Variants in GON4L observed in about 807,000 individuals in gnomAD.
The protein encoded by GON4L is gon-4 like.
GON4L carries 87 observed loss-of-function variants against 211.8 expected under a neutral mutation model. That is an observed-to-expected ratio of 0.41 (90% CI 0.35 to 0.49). The LOEUF (loss-of-function observed/expected upper bound fraction) is 0.49, where lower values mean the gene tolerates loss of function less well. GON4L is among the 20% of genes least tolerant of loss of function. GON4L has a pLI of 0.15. For synonymous variants in GON4L, 875 were observed against 962.6 expected (o/e 0.91, Z 1.68); for missense variants, 2,155 against 2,659.5 (o/e 0.81, Z 4.17).
chr1:155,765,481 T>A lies in GON4L; in HGVS notation c.3992A>T (p.Glu1331Val). Residue 1331 changes from glutamate (E) to valine (V), a missense_variant, in exon 21 of 32, where the codon GAA (glutamate) becomes GTA (valine). Coordinates refer to ENST00000368331, the MANE Select transcript of GON4L (RefSeq NM_001282860.2). ...LEEIVKMEPEEAREEISGSPE... is the reference protein window; with the variant it reads ...LEEIVKMEPEVAREEISGSPE... Reference sequence around the variant, plus strand: ...GGATCCACTGATTTCCTCTCTAGCTTCTTCAGGTTCCATCTTGACAATTTC... The same window carrying A: ...GGATCCACTGATTTCCTCTCTAGCTACTTCAGGTTCCATCTTGACAATTTC... 1 of 1,614,180 alleles carries A rather than the reference T, an allele frequency of 6.2e-7. No individual in the cohort carries two copies.
chr1:155,853,242 C>G lies in GON4L; in HGVS notation c.505+34G>C, dbSNP rs41264979. 2.0e-3 allele frequency: 3,234 copies of G among 1,577,778 alleles called. 7 individuals are homozygous for G. Among genetic ancestry groups the G allele is most frequent in the Non-Finnish European group, 2.6e-3 (2,939 of 1,146,988 alleles). ...AATAGCAATGGCAAAGTGGTATTGA[C>G]AAGAATGTAACCTAGAGACCTTGTA... On this transcript the variant is annotated intron_variant, in intron 2 of 31. Coordinates refer to ENST00000368331, the MANE Select transcript of GON4L (RefSeq NM_001282860.2).
downstream of GON4L, chr1:155,746,936 G>T: frequency 6.2e-7 from 1 of 1,601,714 alleles, no homozygotes; most frequent in Non-Finnish European, 8.5e-7. Context: ...ATAGGGGCAG[G>T]TAAACGGGGA....
chr1:155,798,453 A>G (rs1162118594), intron 11 of GON4L, among the ~76,000 whole-genome samples: 1 of 134,592 alleles, frequency 7.4e-6, no homozygotes, highest in Non-Finnish European at 1.5e-5. Flanking sequence ...TCTGTCGCCC[A>G]GGCTGGAGCA....
At chr1:155,768,358 C>T (rs1025279720) in intron 19 of GON4L, among the ~76,000 whole-genome samples, 1 of 146,638 alleles carries the variant, frequency 6.8e-6, no homozygotes, top group African/African-American at 2.5e-5. Flanking sequence ...ACCTTGTAAT[C>T]CCAGCACTTT....
intron 2 of GON4L, among the ~76,000 whole-genome samples, chr1:155,848,741 C>T (rs1671481622): frequency 1.3e-5 from 2 of 152,002 alleles, no homozygotes; most frequent in African/African-American, 2.4e-5. Flanking sequence ...ATGTTTTAAA[C>T]CAAAACTCAG....
intron 2 of GON4L, among the ~76,000 whole-genome samples, chr1:155,848,302 C>A (rs1417562744): frequency 6.6e-6 from 1 of 151,518 alleles, no homozygotes; most frequent in African/African-American, 2.4e-5. Flanking sequence ...CTCTCAAATA[C>A]CTTCCCTATG....
Position 155,753,341 on chromosome 1 carries a change from C to G in GON4L, c.5705G>C (p.Ser1902Thr). The change falls in exon 29 of 32, where the codon AGT (serine) becomes ACT (threonine). Residue 1902 changes from serine (S) to threonine (T), a missense_variant. Physicochemically the swap from Ser to Thr is moderately conservative, Grantham distance 58. Transcript: ENST00000368331. ...AGCTTCCTTAGCACCAGGCATAGGA[C>G]TAGCCTCTCGGTGGGGGCTGCTGCC... ...LVGSSPHREA[S>T]PMPGAKEAGQ... 6.2e-7 allele frequency: 1 copy of G among 1,613,752 alleles called. No homozygotes were observed. The highest frequency in any genetic ancestry group is 1.1e-5 in the South Asian group (1 of 91,064).
At chr1:155,807,730 A>AAAAAAAAAAAAAAC (rs1395575383) in intron 10 of GON4L, among the ~76,000 whole-genome samples, 1 of 143,798 alleles carries the variant, frequency 7.0e-6, no homozygotes, top group Non-Finnish European at 1.5e-5. Flanking sequence ...AAAAAAGAAA[A>AAAAAAAAAAAAAAC]TCAGAAAGTG....
intron 19 of GON4L, among the ~76,000 whole-genome samples, chr1:155,769,420 C>T (rs1219789179): frequency 6.6e-6 from 1 of 152,092 alleles, no homozygotes; most frequent in Non-Finnish European, 1.5e-5. Context: ...AAAGAATTCC[C>T]AGGATGATGG....
At chr1:155,849,732 C>A (rs1327392746) in intron 2 of GON4L, among the ~76,000 whole-genome samples, 2 of 141,960 alleles carry the variant, frequency 1.4e-5, no homozygotes, top group African/African-American at 5.2e-5. Flanking sequence ...CAAGATCGCA[C>A]CACTGCCCTC....
At chr1:155,840,801 G>A (rs1392218204) in intron 2 of GON4L, among the ~76,000 whole-genome samples, 2 of 152,228 alleles carry the variant, frequency 1.3e-5, no homozygotes, top group African/African-American at 2.4e-5. Flanking sequence ...GGGAGGCTGA[G>A]GTGGGTGGAT....
chr1:155,824,631 C>T (rs962956898), intron 3 of GON4L, among the ~76,000 whole-genome samples: 2 of 150,760 alleles, frequency 1.3e-5, no homozygotes, highest in African/African-American at 4.9e-5. Context: ...GTAATCCCAG[C>T]TACTCAGGAG....
At chr1:155,757,151 T>G in intron 26 of GON4L, 29 bp downstream of exon 26, 1 of 1,613,892 alleles carries the variant, frequency 6.2e-7, no homozygotes, top group Non-Finnish European at 8.5e-7. Flanking sequence ...TCCCCCTTCA[T>G]AAGGCTACAG....
chr1:155,824,458 A>AAAAAAAAAAAAAC (rs1669002707), intron 3 of GON4L, among the ~76,000 whole-genome samples: 1 of 146,862 alleles, frequency 6.8e-6, no homozygotes, highest in Non-Finnish European at 1.5e-5. Context: ...AAAAAAAAAA[A>AAAAAAAAAAAAAC]AAAAGGCTAG....
chr1:155,807,188 T>A (rs1667213887), intron 10 of GON4L, among the ~76,000 whole-genome samples: 1 of 150,714 alleles, frequency 6.6e-6, no homozygotes. Flanking sequence ...ATCGCTTGAG[T>A]CTAGGAGTTC....
intron 23 of GON4L, among the ~76,000 whole-genome samples, 178 bp downstream of exon 23, chr1:155,762,012 G>C (rs1361602597): frequency 6.6e-6 from 1 of 152,222 alleles, no homozygotes; most frequent in South Asian, 2.1e-4. Flanking sequence ...ACTTATGATT[G>C]AATTCTATGT....
intron 21 of GON4L, among the ~76,000 whole-genome samples, chr1:155,763,967 C>T (rs1166762639): frequency 1.3e-5 from 2 of 149,718 alleles, no homozygotes; most frequent in East Asian, 4.0e-4. Context: ...TATGCCACTG[C>T]ACTCCAATCC....
intron 28 of GON4L, among the ~76,000 whole-genome samples, chr1:155,753,668 T>G (rs1296713959): frequency 6.6e-6 from 1 of 152,178 alleles, no homozygotes; most frequent in African/African-American, 2.4e-5. Context: ...AGTGAGACTC[T>G]GTCTCAAATG....
chr1:155,745,190 G>T (rs956420520), downstream of GON4L, among the ~76,000 whole-genome samples: 1 of 152,164 alleles, frequency 6.6e-6, no homozygotes. Flanking sequence ...CCACAGAGAT[G>T]AAAAATATAT....
Sources: gnomAD v4.1 joint callset for allele counts (sites outside exome capture counted in the v4.1 genomes callset) on GRCh38, gnomAD v4.1.1 for gene constraint, MANE v1.5 for transcripts, NCBI Gene and HGNC (gene_info 2026-07-23, HGNC 2026-07-21) for gene names.